Variants in ATXN2 observed in about 807,000 individuals in gnomAD.
ATXN2 encodes ataxin 2.
A neutral mutation model predicts 138.6 loss-of-function variants in ATXN2; 37 were observed. The observed-to-expected ratio is 0.27, with a 90% CI of 0.21 to 0.35. The LOEUF is 0.35. Ranked by LOEUF, ATXN2 falls within the 10% of genes least tolerant of loss-of-function variation. The pLI is 1.00. For synonymous variants in ATXN2, 549 were observed against 543.7 expected (o/e 1.01, Z -0.13); for missense variants, 1,216 against 1,480.3 (o/e 0.82, Z 2.93).
At chr12:111,573,304 T>A (rs951990503) in intron 1 of ATXN2, among the ~76,000 whole-genome samples, 4 of 152,116 alleles carry the variant, frequency 2.6e-5, no homozygotes, top group African/African-American at 9.7e-5. Flanking sequence ...GCGATTCTCC[T>A]TGCCTCAGCC....
intron 1 of ATXN2, among the ~76,000 whole-genome samples, chr12:111,567,183 G>GA (rs1883059282): frequency 6.6e-6 from 1 of 152,152 alleles, no homozygotes; most frequent in African/African-American, 2.4e-5. Context: ...GAGCACTGTT[G>GA]AAATGACAAC....
intron 14 of ATXN2, among the ~76,000 whole-genome samples, chr12:111,489,655 C>T (rs1243811204): frequency 6.7e-6 from 1 of 150,308 alleles, no homozygotes; most frequent in Non-Finnish European, 1.5e-5. Context: ...GGCACAGTAG[C>T]TCATCACTGT....
Position 111,520,942 on chromosome 12 carries a change from C to T in ATXN2, c.728G>A (p.Arg243Gln), listed in dbSNP as rs776935081. 3 of 1,595,758 alleles carry T rather than the reference C, an allele frequency of 1.9e-6. No individual in the cohort carries two copies. Among genetic ancestry groups the T allele is most frequent in the South Asian group, 1.1e-5 (1 of 88,860 alleles). Reference sequence around the variant, plus strand: ...TACACCATAATTTTCTTCATTATATCGAAACATATCATTGGGATCCCATCC... The same window carrying T: ...TACACCATAATTTTCTTCATTATATTGAAACATATCATTGGGATCCCATCC... ...SNGWDPNDMF[R>Q]YNEENYGVVS... Residue 243 changes from arginine (R) to glutamine (Q), a missense_variant, in exon 7 of 25, where the codon CGA becomes CAA. This residue lies in a region of ATXN2 where 401 missense variants were observed against 528.1 expected (regional missense o/e 0.76). Coordinates refer to ENST00000673436, the MANE Select transcript of ATXN2 (RefSeq NM_001372574.1).
Position 111,518,237 on chromosome 12 carries a change from C to A in ATXN2, c.1165+12G>T. On this transcript the variant is annotated intron_variant, in intron 9 of 24. Coordinates refer to ENST00000673436, the MANE Select transcript of ATXN2 (RefSeq NM_001372574.1). ...TATCAATGATATTGACAAGTCTGGTCAAAATACTTGCCTCCATTAACTACT... is the reference window on the plus strand; with the variant it reads ...TATCAATGATATTGACAAGTCTGGTAAAAATACTTGCCTCCATTAACTACT... 1 of 1,562,096 alleles carries A rather than the reference C, an allele frequency of 6.4e-7. No homozygotes were observed. Among genetic ancestry groups the A allele is most frequent in the South Asian group, 1.2e-5 (1 of 83,114 alleles).
intron 21 of ATXN2, among the ~76,000 whole-genome samples, chr12:111,461,687 C>G (rs1875592581): frequency 6.6e-6 from 1 of 151,268 alleles, no homozygotes; most frequent in Non-Finnish European, 1.5e-5. Flanking sequence ...GAACCAGGGG[C>G]CGAGGTAGGT....
chr12:111,561,833 A>G (rs149993257), intron 1 of ATXN2, among the ~76,000 whole-genome samples: 3,192 of 151,676 alleles, frequency 0.021, 61 homozygotes, highest in Non-Finnish European at 0.028. Context: ...TTTTTTTGAG[A>G]CAGAGTCTAC....
chr12:111,555,773 T>C lies in ATXN2; in HGVS notation c.288+110A>G, dbSNP rs1882357520. ...AACATACTTAAACAGTCAAGTTATC[T>C]ATGACAAAATTCAAAAGAAGGGAAT... On this transcript the variant is annotated intron_variant, in intron 2 of 24. Coordinates refer to ENST00000673436, the MANE Select transcript of ATXN2 (RefSeq NM_001372574.1). 14 of 890,188 alleles carry C rather than the reference T, an allele frequency of 1.6e-5. No homozygotes were observed. The Middle Eastern group carries it at 9.9e-4, about 63-fold the overall frequency. 55.1% of individuals were successfully genotyped at this position (890,188 alleles called of 1,614,324 possible).
At chr12:111,503,668 CA>C (rs1878931348) in intron 14 of ATXN2, among the ~76,000 whole-genome samples, 1 of 151,758 alleles carries the variant, frequency 6.6e-6, no homozygotes, top group Admixed American at 6.6e-5. Flanking sequence ...CGGATCACTG[CA>C]ACCTCCACCT....
rs763233471 is a variant in ATXN2, at chr12:111,464,646, A to T, written c.2896+16T>A. 16 of 1,594,596 alleles carry T rather than the reference A, an allele frequency of 1.0e-5. No homozygotes were observed. The highest frequency in any genetic ancestry group is 2.2e-5 in the East Asian group (1 of 44,710). Reference sequence around the variant, plus strand: ...TTACTGTACAATTAAAAATTAGTATAAAAAACCCAACTCACTGGCAAAGTA... The same window carrying T: ...TTACTGTACAATTAAAAATTAGTATTAAAAACCCAACTCACTGGCAAAGTA... On this transcript the variant is annotated intron_variant, in intron 21 of 24. Transcript: ENST00000673436.
Position 111,452,508 on chromosome 12 carries a change from T to A in ATXN2, c.*304A>T. The stretch of plus-strand genomic sequence containing the variant: ...CTTCTTTTGCTAGCTGATGTGTTCA[T>A]GACTTTCAAGGGTTATTAAAAAATA... On this transcript the variant is annotated 3_prime_UTR_variant, in exon 25 of 25. Coordinates refer to ENST00000673436, the MANE Select transcript of ATXN2 (RefSeq NM_001372574.1). 3.6e-6 allele frequency: 1 copy of A among 274,860 alleles called. No homozygotes were observed. The highest frequency in any genetic ancestry group is 6.9e-6 in the Non-Finnish European group (1 of 145,984). 17.0% of individuals were successfully genotyped at this position (274,860 alleles called of 1,614,324 possible).
intron 5 of ATXN2, among the ~76,000 whole-genome samples, chr12:111,541,654 G>C (rs1881525138): frequency 6.7e-6 from 1 of 148,890 alleles, no homozygotes; most frequent in African/African-American, 2.4e-5. Flanking sequence ...TTTTAATTCT[G>C]ACATATTTTG....
At chr12:111,494,988 A>C (rs2135710537) in intron 14 of ATXN2, among the ~76,000 whole-genome samples, 1 of 152,170 alleles carries the variant, frequency 6.6e-6, no homozygotes, top group East Asian at 1.9e-4. Context: ...CTCTCCAATC[A>C]AAAGATACAG....
At chr12:111,462,364 C>T (rs1875649045) in intron 21 of ATXN2, among the ~76,000 whole-genome samples, 3 of 152,158 alleles carry the variant, frequency 2.0e-5, no homozygotes, top group Admixed American at 2.0e-4. Flanking sequence ...AAATTAAGTA[C>T]AGAAAGCTGT....
chr12:111,515,611 T>A (rs1425016836), intron 10 of ATXN2, among the ~76,000 whole-genome samples: 1 of 152,180 alleles, frequency 6.6e-6, no homozygotes, highest in African/African-American at 2.4e-5. Context: ...AAAGCTAACT[T>A]TAAAAAAATT....
rs370407071 is a variant in ATXN2, at chr12:111,564,591, G to GA, written c.252-8673dup. Among the ~76,000 whole-genome samples the GA allele has an allele frequency of 6.8e-4, 97 of 142,056 alleles. No homozygotes were observed. In the Middle Eastern group the frequency reaches 0.011, roughly 16 times the overall value. The allele number at this position is 142,056 out of a possible 152,430, so 93.2% of individuals were successfully genotyped here. A position where few individuals can be genotyped will look rare whatever the true frequency, so the allele number is the denominator to read the frequency against. ...AAAGTTTGCCCATCCTCACACTGAA[G>GA]AAAAAAAAAAACATAGCTGCAACAG... On this transcript the variant is annotated intron_variant, in intron 1 of 24. Transcript: ENST00000673436.
At chr12:111,551,904 G>A (rs180701504) in intron 5 of ATXN2, among the ~76,000 whole-genome samples, 12 of 149,654 alleles carry the variant, frequency 8.0e-5, no homozygotes, top group Admixed American at 2.0e-4. Flanking sequence ...TTTTTGAAAC[G>A]GAGTCTTGCT....
Position 111,598,048 on chromosome 12 carries a change from C to T in ATXN2, c.251+736G>A. ...GGGCCGGGCACTCCCCACCCCTTCCCTTCCCCAGGTGGGGGAGGGTGGAAC... is the reference window on the plus strand; with the variant it reads ...GGGCCGGGCACTCCCCACCCCTTCCTTTCCCCAGGTGGGGGAGGGTGGAAC... On this transcript the variant is annotated intron_variant, in intron 1 of 24. Coordinates refer to ENST00000673436, the MANE Select transcript of ATXN2 (RefSeq NM_001372574.1). This position sits in a 1 kb window ranked among gnomAD's most constrained non-coding sequence, Gnocchi z 4.5. 1 of 1,164,788 alleles carries T rather than the reference C, an allele frequency of 8.6e-7. No homozygotes were observed. The highest frequency in any genetic ancestry group is 1.7e-5 in the South Asian group (1 of 60,138). The allele number at this position is 1,164,788 out of a possible 1,614,324, so 72.2% of individuals were successfully genotyped here. A position where few individuals can be genotyped will look rare whatever the true frequency, so the allele number is the denominator to read the frequency against.
intron 1 of ATXN2, among the ~76,000 whole-genome samples, chr12:111,577,328 C>T (rs1266117607): frequency 2.0e-5 from 3 of 152,114 alleles, no homozygotes; most frequent in South Asian, 2.1e-4. Flanking sequence ...TGCAGTGGCA[C>T]GATCTCGGCT....
intron 6 of ATXN2, among the ~76,000 whole-genome samples, chr12:111,521,987 C>T (rs1378922141): frequency 2.4e-4 from 36 of 152,058 alleles, no homozygotes; most frequent in Admixed American, 2.4e-3. Context: ...GTATAAAGTC[C>T]AGTAAAGGTT....
Sources: gnomAD v4.1 joint callset for allele counts (sites outside exome capture counted in the v4.1 genomes callset) on GRCh38, gnomAD v4.1.1 for gene constraint, gnomAD v4.1.1 regional missense constraint, Gnocchi (gnomAD v3.1) non-coding constraint, MANE v1.5 for transcripts, NCBI Gene and HGNC (gene_info 2026-07-23, HGNC 2026-07-21) for gene names.